BEND7: variants seen among roughly 807,000 people sequenced by gnomAD.
BEND7 encodes BEN domain containing 7, also known as BEN domain-containing protein 7.
BEND7 carries 28 observed loss-of-function variants against 50.9 expected under a neutral mutation model. That is an observed-to-expected ratio of 0.55 (90% CI 0.41 to 0.75). The LOEUF (loss-of-function observed/expected upper bound fraction) is 0.75, where lower values mean the gene tolerates loss of function less well. BEND7 is among the 30% of genes least tolerant of loss of function. The pLI, the probability that BEND7 is intolerant of heterozygous loss-of-function variation, is 0.00. For missense variants in BEND7, 477 were observed against 491.3 expected (o/e 0.97, Z 0.28); for synonymous variants, 170 against 183.9 (o/e 0.92, Z 0.61).
chr10:13,447,131 G>T, intron 8 of BEND7, 135 bp downstream of exon 8: 1 of 847,454 alleles, frequency 1.2e-6, no homozygotes, highest in Non-Finnish European at 2.0e-6. Context: ...AAGCTCCAAT[G>T]ACGGGGCCTG....
At chr10:13,476,312 T>C (rs1434537323) in intron 6 of BEND7, among the ~76,000 whole-genome samples, 1 of 152,038 alleles carries the variant, frequency 6.6e-6, no homozygotes, top group Non-Finnish European at 1.5e-5. Flanking sequence ...CAAGGAGTGT[T>C]CCCTCCCAGA....
chr10:13,474,734 G>T (rs11258405), intron 6 of BEND7, among the ~76,000 whole-genome samples: 1 of 152,272 alleles, frequency 6.6e-6, no homozygotes, highest in East Asian at 1.9e-4. Context: ...GACTCGGGTC[G>T]ATACCCATCA....
At chr10:13,474,159 C>G (rs1413996737) in intron 6 of BEND7, among the ~76,000 whole-genome samples, 1 of 152,002 alleles carries the variant, frequency 6.6e-6, no homozygotes, top group Non-Finnish European at 1.5e-5. Context: ...TGGCCAACAT[C>G]TGTCATCGCT....
intron 5 of BEND7, among the ~76,000 whole-genome samples, chr10:13,491,485 G>GT (rs1588922252): frequency 6.6e-6 from 1 of 150,990 alleles, no homozygotes; most frequent in South Asian, 2.1e-4. Flanking sequence ...AGCATAGAAC[G>GT]TTATCATCAT....
rs79118167 is a variant in BEND7, at chr10:13,471,114, T to G, written c.1063+9785A>C. ...CATCCTCTGTGCTTCCTCCTCCCCC[T>G]GCCAGGTAATAGACATTTGTCATTT... On this transcript the variant is annotated intron_variant, in intron 6 of 8. Coordinates refer to ENST00000466271, the MANE Select transcript of BEND7 (RefSeq NM_001369863.1). Among the ~76,000 whole-genome samples the G allele has an allele frequency of 5.7e-4, 87 of 152,350 alleles. 2 individuals are homozygous for G. In the South Asian group the frequency reaches 0.01, roughly 18 times the overall value.
chr10:13,469,862 T>C (rs2074634908), intron 6 of BEND7, among the ~76,000 whole-genome samples: 1 of 152,202 alleles, frequency 6.6e-6, no homozygotes, highest in Non-Finnish European at 1.5e-5. Context: ...TCATTTGCAA[T>C]GCACTTTCAG....
chr10:13,474,426 C>T (rs10906382), intron 6 of BEND7, among the ~76,000 whole-genome samples: 43,601 of 151,948 alleles, frequency 0.29, 8,158 homozygotes, highest in East Asian at 0.67. Flanking sequence ...CTGTTAGACT[C>T]GGGGCCGATA....
chr10:13,498,942 C>T (rs1033862499), intron 3 of BEND7, among the ~76,000 whole-genome samples: 3 of 152,114 alleles, frequency 2.0e-5, no homozygotes, highest in Non-Finnish European at 4.4e-5. Flanking sequence ...AAACAGTTCT[C>T]TTTTTCTTGA....
rs552301235 is a variant in BEND7, at chr10:13,499,925, A to G, written c.301T>C (p.Ser101Pro). The change falls in exon 3 of 9, where the codon TCC (serine) becomes CCC (proline). Residue 101 changes from serine (S) to proline (P), a missense_variant. Physicochemically the swap from Ser to Pro is moderately conservative, Grantham distance 74 (BLOSUM62 -1). This residue lies in a region of BEND7 where 396 missense variants were observed against 384.2 expected (regional missense o/e 1.03). Coordinates refer to ENST00000466271, the MANE Select transcript of BEND7 (RefSeq NM_001369863.1). ...AGGCTTTGCGGGGCCTCAGCAGAGG[A>G]GTTCAAACGTGGAGGCCAGACTAAA... ...LDLVWPPRLN[S>P]SAEAPQSLHP... 18 of 1,614,178 alleles carry G rather than the reference A, an allele frequency of 1.1e-5. No individual in the cohort carries two copies. The South Asian group carries it at 1.9e-4, about 17-fold the overall frequency.
At chr10:13,485,352 C>A (rs542360894) in intron 5 of BEND7, among the ~76,000 whole-genome samples, 13 of 152,272 alleles carry the variant, frequency 8.5e-5, no homozygotes, top group African/African-American at 3.1e-4. Context: ...GCATTAACCC[C>A]AGATTTTCAA....
intron 2 of BEND7, among the ~76,000 whole-genome samples, chr10:13,512,776 A>G (rs1456690100): frequency 6.6e-6 from 1 of 152,238 alleles, no homozygotes; most frequent in Admixed American, 6.5e-5. Context: ...TTTCATTTTC[A>G]ATGTACATAT....
chr10:13,475,596 T>C (rs1449290602), intron 6 of BEND7, among the ~76,000 whole-genome samples: 4 of 152,162 alleles, frequency 2.6e-5, no homozygotes, highest in Non-Finnish European at 5.9e-5. Flanking sequence ...AGTAAAAAAA[T>C]TGATGTATAG....
chr10:13,474,668 C>T (rs182430331), intron 6 of BEND7, among the ~76,000 whole-genome samples: 1 of 151,914 alleles, frequency 6.6e-6, no homozygotes, highest in Non-Finnish European at 1.5e-5. Flanking sequence ...CTGTTGGACT[C>T]CGGTCGATAT....
At position 13,492,794 on chromosome 10, in the gene BEND7, C is replaced by A. The variant is rs2076759445; in HGVS notation, c.654G>T (p.Lys218Asn). The A allele has an allele frequency of 1.9e-6, 3 of 1,606,970 alleles. No individual in the cohort carries two copies. The highest frequency in any genetic ancestry group is 2.5e-6 in the Non-Finnish European group (3 of 1,178,520). Residue 218 changes from lysine to asparagine, a missense_variant, in exon 5 of 9, where the codon AAG (lysine) becomes AAT (asparagine). By Grantham distance (94) the Lys-to-Asn change is moderately conservative. This residue lies in a region of BEND7 where 396 missense variants were observed against 384.2 expected (regional missense o/e 1.03). Coordinates refer to ENST00000466271, the MANE Select transcript of BEND7 (RefSeq NM_001369863.1). ...RTAVSRKRNKKKKVPPKTVEP... is the reference protein window; with the variant it reads ...RTAVSRKRNKNKKVPPKTVEP... The stretch of plus-strand genomic sequence containing the variant: ...CCACAGTCTTTGGGGGCACTTTTTT[C>A]TTTTTATTTCTCTTTCGTGAGACAG...
chr10:13,517,531 T>C (rs910351302), intron 2 of BEND7, among the ~76,000 whole-genome samples: 26 of 152,044 alleles, frequency 1.7e-4, no homozygotes, highest in African/African-American at 4.6e-4. Context: ...GGCTGGAGGA[T>C]TGCTTGAGGC....
chr10:13,488,240 C>T (rs1052858278), intron 5 of BEND7, among the ~76,000 whole-genome samples: 9 of 151,878 alleles, frequency 5.9e-5, no homozygotes, highest in Non-Finnish European at 1.0e-4. Flanking sequence ...AAAACATTTC[C>T]TATTATTAAA....
chr10:13,503,357 T>A (rs2077622202), intron 2 of BEND7, among the ~76,000 whole-genome samples: 1 of 152,082 alleles, frequency 6.6e-6, no homozygotes, highest in Non-Finnish European at 1.5e-5. Flanking sequence ...CAGAAGCAGG[T>A]CCCTCCTCAG....
chr10:13,524,276 C>T (rs896593984), intron 2 of BEND7, among the ~76,000 whole-genome samples: 1 of 152,060 alleles, frequency 6.6e-6, no homozygotes, highest in Non-Finnish European at 1.5e-5. Context: ...GTATGGTGAA[C>T]GTAAATTTTC....
intron 7 of BEND7, among the ~76,000 whole-genome samples, chr10:13,451,216 G>A (rs1426202532): frequency 6.7e-6 from 1 of 150,302 alleles, no homozygotes; most frequent in Non-Finnish European, 1.5e-5. Context: ...AAGAAACAGG[G>A]TCTCGCTCTG....
Sources: allele counts gnomAD v4.1 joint callset (sites outside exome capture counted in the v4.1 genomes callset), GRCh38; gene constraint gnomAD v4.1.1; regional missense constraint gnomAD v4.1.1; transcripts MANE v1.5; gene names NCBI Gene and HGNC (gene_info 2026-07-23, HGNC 2026-07-21).